GGT6: variants seen among roughly 807,000 people sequenced by gnomAD.
GGT6 encodes the protein gamma-glutamyltransferase 6, also known as glutathione hydrolase 6.
GGT6 carries 13 observed loss-of-function variants against 17.0 expected under a neutral mutation model. That is an observed-to-expected ratio of 0.77 (90% CI 0.50 to 1.22). The LOEUF (loss-of-function observed/expected upper bound fraction) is 1.22, where lower values mean the gene tolerates loss of function less well. GGT6 is among the 50% of genes most tolerant of loss of function. GGT6 has a pLI of 0.00. For missense variants in GGT6, 628 were observed against 643.7 expected (o/e 0.98, Z 0.26); for synonymous variants, 305 against 297.9 (o/e 1.02, Z -0.25).
Position 4,560,485 on chromosome 17 carries a change from G to A in GGT6, c.37C>T (p.Leu13=). 1.2e-6 allele frequency: 2 copies of A among 1,613,332 alleles called. No homozygotes were observed. The highest frequency in any genetic ancestry group is 1.1e-5 in the South Asian group (1 of 91,092). ...TCCAAGCTTGGCTCCCAGGGCAGCAGCTTCTGATAGACCACGGGCTCTTCT... is the reference window on the plus strand; with the variant it reads ...TCCAAGCTTGGCTCCCAGGGCAGCAACTTCTGATAGACCACGGGCTCTTCT... ...RAEEPVVYQK[L]LPWEPSLESE... Residue 13 remains leucine, a synonymous_variant, in exon 1 of 4, where the codon CTG becomes TTG. Coordinates refer to ENST00000381550, the MANE Select transcript of GGT6 (RefSeq NM_001288702.2).
At position 4,558,936 on chromosome 17, in the gene GGT6, G is replaced by C. The variant is rs1159273021; in HGVS notation, c.579C>G (p.His193Gln). 6.5e-7 allele frequency: 1 copy of C among 1,549,834 alleles called. No individual in the cohort carries two copies. Among genetic ancestry groups the C allele is most frequent in the Non-Finnish European group, 8.7e-7 (1 of 1,146,886 alleles). Reference protein sequence around the residue: ...LGLPAALPTLHLLHARFGRLP... With the variant: ...LGLPAALPTLQLLHARFGRLP... ...GGCGGCCGAAGCGTGCATGCAGCAG[G>C]TGCAGGGTGGGCAGAGCCGCGGGCA... The change falls in exon 4 of 4, where the codon CAC becomes CAG. Residue 193 changes from histidine (H) to glutamine (Q), a missense_variant. Transcript: ENST00000381550.
chr17:4,559,837 T>A, intron 1 of GGT6, 77 bp from the exon 2 acceptor site: 11 of 1,382,578 alleles, frequency 8.0e-6, no homozygotes, highest in Non-Finnish European at 1.1e-5. Flanking sequence ...CAGGGAATAT[T>A]TCCCAAAAGG....
Position 4,557,701 on chromosome 17 carries a change from C to G in GGT6, c.*314G>C, listed in dbSNP as rs1908262146. The G allele has an allele frequency of 3.8e-6, 1 of 260,596 alleles. No homozygotes were observed. The highest frequency in any genetic ancestry group is 2.2e-5 in the African/African-American group (1 of 45,414). 16.1% of individuals were successfully genotyped at this position (260,596 alleles called of 1,614,324 possible). ...AGTGCAGTGGTGTGATCCTAGCTCT[C>G]TGCAGCCTTGAACTCCTGAGCTCAA... On this transcript the variant is annotated 3_prime_UTR_variant, in exon 4 of 4. Transcript: ENST00000381550.
rs768975988 is a variant in GGT6 at position 4,559,725 on chromosome 17, C to T, written c.176G>A (p.Arg59His). Reference sequence around the variant, plus strand: ...CAGCAGCAGCAGGGCTGCCACTACACGGGCCCAGGTTCCGGGCAGCCCGCC... The same window carrying T: ...CAGCAGCAGCAGGGCTGCCACTACATGGGCCCAGGTTCCGGGCAGCCCGCC... The part of the protein sequence containing the change: ...KAGGLPGTWA[R>H]VVAALLLLAV... The change falls in exon 2 of 4, where the codon CGT (arginine) becomes CAT (histidine). Residue 59 changes from arginine (R) to histidine (H), a missense_variant. Physicochemically the swap from Arg to His is conservative, Grantham distance 29. Transcript: ENST00000381550. 37 of 1,612,178 alleles carry T rather than the reference C, an allele frequency of 2.3e-5. No individual in the cohort carries two copies. The highest frequency in any genetic ancestry group is 1.7e-4 in the Middle Eastern group (1 of 6,008).
At chr17:4,560,351 A>C (rs1429927117) in intron 1 of GGT6, 31 bp downstream of exon 1, 1 of 1,613,210 alleles carries the variant, frequency 6.2e-7, no homozygotes, top group Admixed American at 1.7e-5. Flanking sequence ...AAGCCTGGGG[A>C]GCCTGGTGCC....
Position 4,558,922 on chromosome 17 carries a change from C to T in GGT6, c.593G>A (p.Arg198His), listed in dbSNP as rs1258045856. 20 of 1,548,900 alleles carry T rather than the reference C, an allele frequency of 1.3e-5. No homozygotes were observed. The highest frequency in any genetic ancestry group is 1.7e-5 in the Non-Finnish European group (19 of 1,146,306). Residue 198 changes from arginine (R) to histidine (H), a missense_variant, in exon 4 of 4, where the codon CGC becomes CAC. Coordinates refer to ENST00000381550, the MANE Select transcript of GGT6 (RefSeq NM_001288702.2). ...ALPTLHLLHA[R>H]FGRLPWPRLL... ...GCGTGGCCAGGGCAGGCGGCCGAAG[C>T]GTGCATGCAGCAGGTGCAGGGTGGG...
chr17:4,559,139 T>G lies in GGT6; in HGVS notation c.458-82A>C. The G allele has an allele frequency of 2.0e-6, 3 of 1,498,954 alleles. No individual in the cohort carries two copies. In the South Asian group the frequency reaches 3.7e-5, roughly 18 times the overall value. The allele number at this position is 1,498,954 out of a possible 1,614,324, so 92.9% of individuals were successfully genotyped here. ...TCAGTCAAGATCCCTTGACTGAGCCTGGGATCAGGAGTTACTGACCAGGCC... is the reference window on the plus strand; with the variant it reads ...TCAGTCAAGATCCCTTGACTGAGCCGGGGATCAGGAGTTACTGACCAGGCC... On this transcript the variant is annotated intron_variant, in intron 3 of 3. Transcript: ENST00000381550.
rs1908276923 is a variant in GGT6 at position 4,557,888 on chromosome 17, A to C, written c.*127T>G. 4 of 622,680 alleles carry C rather than the reference A, an allele frequency of 6.4e-6. No homozygotes were observed. The highest frequency in any genetic ancestry group is 1.1e-5 in the Non-Finnish European group (4 of 371,868). The allele number at this position is 622,680 out of a possible 1,614,324, so 38.6% of individuals were successfully genotyped here. ...GTATCTTCCTGCCTTGACCACCCAA[A>C]GTGCTGAGATTACAGGTGTGAGGCA... On this transcript the variant is annotated 3_prime_UTR_variant, in exon 4 of 4. Transcript: ENST00000381550.
chr17:4,558,759 C>G lies in GGT6; in HGVS notation c.756G>C (p.Gly252=). The change falls in exon 4 of 4, where the codon GGG becomes GGC. Residue 252 remains glycine (G), a synonymous_variant. Transcript: ENST00000381550. ...CHADGTPLGA[G]ARATNPQLAA... is the part of the protein sequence containing the mutation. The stretch of plus-strand genomic sequence containing the variant: ...CCAGTTGTGGGTTGGTGGCTCGGGC[C>G]CCAGCGCCCAGGGGTGTCCCATCAG... The G allele has an allele frequency of 6.3e-7, 1 of 1,578,558 alleles. No individual in the cohort carries two copies. The highest frequency in any genetic ancestry group is 1.2e-5 in the South Asian group (1 of 86,486).
chr17:4,560,114 C>G (rs767476204), intron 1 of GGT6, among the ~76,000 whole-genome samples: 4 of 152,182 alleles, frequency 2.6e-5, no homozygotes, highest in African/African-American at 4.8e-5. Context: ...GTGCCTCCTG[C>G]ACCAGGACTT....
rs1277501806 is a variant in GGT6, at chr17:4,558,907, G to A, written c.608C>T (p.Pro203Leu). ...GGGGCCCACTAGCAGGCGTGGCCAG[G>A]GCAGGCGGCCGAAGCGTGCATGCAG... ...HLLHARFGRL[P>L]WPRLLVGPTT... is the part of the protein sequence containing the mutation. The change falls in exon 4 of 4, where the codon CCC (proline) becomes CTC (leucine). Residue 203 changes from proline (P) to leucine (L), a missense_variant. By Grantham distance (98) the Pro-to-Leu change is moderately conservative. Transcript: ENST00000381550. 2 of 1,549,120 alleles carry A rather than the reference G, an allele frequency of 1.3e-6. No individual in the cohort carries two copies. Among genetic ancestry groups the A allele is most frequent in the Non-Finnish European group, 1.7e-6 (2 of 1,146,022 alleles).
In GGT6 at chr17:4,558,898, C is replaced by A; in HGVS notation, c.617G>T (p.Arg206Leu). The change falls in exon 4 of 4, where the codon CGC (arginine) becomes CTC (leucine). Residue 206 changes from arginine (R) to leucine (L), a missense_variant. Transcript: ENST00000381550. Reference sequence around the variant, plus strand: ...CAGCGTGGTGGGGCCCACTAGCAGGCGTGGCCAGGGCAGGCGGCCGAAGCG... The same window carrying A: ...CAGCGTGGTGGGGCCCACTAGCAGGAGTGGCCAGGGCAGGCGGCCGAAGCG... ...HARFGRLPWP[R>L]LLVGPTTLAQ... The A allele has an allele frequency of 1.3e-6, 2 of 1,548,400 alleles. No homozygotes were observed. The highest frequency in any genetic ancestry group is 1.7e-6 in the Non-Finnish European group (2 of 1,145,532).
At position 4,558,564 on chromosome 17, in the gene GGT6, G is replaced by A. The variant is rs1206869823; in HGVS notation, c.951C>T (p.Thr317=). The change falls in exon 4 of 4, where the codon ACC becomes ACT. Residue 317 remains threonine, a synonymous_variant. Coordinates refer to ENST00000381550, the MANE Select transcript of GGT6 (RefSeq NM_001288702.2). ...GTTCTGGGCCAGCTGAGGGACTGGG[G>A]GTGGTGAACAGGATGCCCTGGGGCA... ...LPVPQGILFT[T]PSPSAGPELL... is the part of the protein sequence containing the mutation. 6.4e-7 allele frequency: 1 copy of A among 1,569,394 alleles called. No individual in the cohort carries two copies. Among genetic ancestry groups the A allele is most frequent in the Non-Finnish European group, 8.6e-7 (1 of 1,157,196 alleles).
At chr17:4,556,411 G>A (rs1484859928), downstream of GGT6, among the ~76,000 whole-genome samples, 1 of 152,122 alleles carries the variant, frequency 6.6e-6, no homozygotes, top group African/African-American at 2.4e-5. Flanking sequence ...GAAATAACTG[G>A]GTACATTGTG....
In GGT6 at chr17:4,560,475, C is replaced by T. The variant is rs1414957094; in HGVS notation, c.47G>A (p.Trp16Ter). The T allele has an allele frequency of 6.2e-7, 1 of 1,613,606 alleles. No homozygotes were observed. The highest frequency in any genetic ancestry group is 1.3e-5 in the African/African-American group (1 of 74,942). Residue 16 changes from tryptophan (W) to a stop codon, truncating the protein, a stop_gained, in exon 1 of 4, where the codon TGG becomes TAG. Coordinates refer to ENST00000381550, the MANE Select transcript of GGT6 (RefSeq NM_001288702.2). LOFTEE classifies it high-confidence loss of function. ...CTCCTCCGACTCCAAGCTTGGCTCC[C>T]AGGGCAGCAGCTTCTGATAGACCAC... is the stretch of plus-strand genomic sequence containing the variant. ...EPVVYQKLLP[W>*]EPSLESEEEV...
chr17:4,556,221 G>A (rs896991244), downstream of GGT6, among the ~76,000 whole-genome samples: 1 of 152,222 alleles, frequency 6.6e-6, no homozygotes, highest in Non-Finnish European at 1.5e-5. Context: ...GCTGCTGTGT[G>A]GGGGATGGAC....
rs1177074618 is a variant in GGT6, at chr17:4,557,979, A to AT, written c.*35dup. The AT allele has an allele frequency of 7.3e-7, 1 of 1,377,016 alleles. No homozygotes were observed. Among genetic ancestry groups the AT allele is most frequent in the African/African-American group, 1.4e-5 (1 of 69,164 alleles). The allele number at this position is 1,377,016 out of a possible 1,614,324, so 85.3% of individuals were successfully genotyped here. ...CTCTGCTCCTGCCCCCATGCTTCAG[A>AT]TAACTCTGCCTTCTGCCAGACCCAC... On this transcript the variant is annotated 3_prime_UTR_variant, in exon 4 of 4. Coordinates refer to ENST00000381550, the MANE Select transcript of GGT6 (RefSeq NM_001288702.2).
rs1269876905 is a variant in GGT6 at position 4,557,423 on chromosome 17, C to T, written c.*592G>A. On this transcript the variant is annotated 3_prime_UTR_variant, in exon 4 of 4. Transcript: ENST00000381550. Reference sequence around the variant, plus strand: ...CCACCTCTCGGGTTCAAGTGATTCTCCTGCCTCAGCCTCCCAAGTAGCTGG... The same window carrying T: ...CCACCTCTCGGGTTCAAGTGATTCTTCTGCCTCAGCCTCCCAAGTAGCTGG... 4.6e-5 allele frequency: 7 copies of T among 151,072 alleles called. No individual in the cohort carries two copies. The highest frequency in any genetic ancestry group is 1.0e-4 in the Non-Finnish European group (7 of 67,924). 9.4% of individuals were successfully genotyped at this position (151,072 alleles called of 1,614,324 possible). A position where few individuals can be genotyped will look rare whatever the true frequency, so the allele number is the denominator to read the frequency against.
chr17:4,559,057 C>A lies in GGT6; in HGVS notation c.458G>T (p.Gly153Val), dbSNP rs765740262. ...GTGGAAGAGGCCCCAAAACATGGCA[C>A]CTGCAGGAGACAGAGGGGTCCCTCA... is the stretch of plus-strand genomic sequence containing the variant. ...AVVHPHATGL[G>V]AMFWGLFHDS... Residue 153 changes from glycine to valine, a missense_variant and splice_region_variant, in exon 4 of 4, where the codon GGT becomes GTT. Gly to Val is a moderately radical substitution (Grantham distance 109). Coordinates refer to ENST00000381550, the MANE Select transcript of GGT6 (RefSeq NM_001288702.2). The A allele has an allele frequency of 6.5e-7, 1 of 1,540,270 alleles. No individual in the cohort carries two copies. The highest frequency in any genetic ancestry group is 1.2e-5 in the South Asian group (1 of 84,026).
Sources: gnomAD v4.1 joint callset for allele counts (sites outside exome capture counted in the v4.1 genomes callset) on GRCh38, gnomAD v4.1.1 for gene constraint, MANE v1.5 for transcripts, NCBI Gene and HGNC (gene_info 2026-07-23, HGNC 2026-07-21) for gene names.